EZH1: variants seen among roughly 807,000 people sequenced by gnomAD.
The protein encoded by EZH1 is histone-lysine N-methyltransferase EZH1.
A neutral mutation model predicts 100.5 loss-of-function variants in EZH1; 33 were observed. That is an observed-to-expected ratio of 0.33 (90% confidence interval 0.25 to 0.44). The LOEUF is 0.44. EZH1 is among the 20% of genes least tolerant of loss of function. EZH1 has a pLI of 1.00. For missense variants in EZH1, 475 were observed against 928.4 expected, an observed-to-expected ratio of 0.51 and a Z score of 6.35; for synonymous variants, 272 against 313.8, an observed-to-expected ratio of 0.87 and a Z score of 1.41.
chr17:42,739,298 C>G lies in EZH1; in HGVS notation c.-103+5713G>C, dbSNP rs904724601. Among the ~76,000 whole-genome samples, 9 of 152,330 alleles carry G rather than the reference C, an allele frequency of 5.9e-5. No individual in the cohort carries two copies. In the South Asian group the frequency reaches 1.4e-3, roughly 25 times the overall value. On this transcript the variant is annotated intron_variant, in intron 1 of 20. Transcript: ENST00000428826. ...CTCTAATTTATACCCTCCAACTTCTCTGAGGTATTTTCATCTGTCATTAGT... is the reference window on the plus strand; with the variant it reads ...CTCTAATTTATACCCTCCAACTTCTGTGAGGTATTTTCATCTGTCATTAGT...
chr17:42,703,624 C>A, intron 19 of EZH1, 116 bp downstream of exon 19: 1 of 736,800 alleles, frequency 1.4e-6, no homozygotes, highest in Non-Finnish European at 2.4e-6. Context: ...AGATATTAAT[C>A]ATGATTATCT....
At chr17:42,722,485 C>T (rs2053729609) in intron 6 of EZH1, among the ~76,000 whole-genome samples, 1 of 150,940 alleles carries the variant, frequency 6.6e-6, no homozygotes, top group South Asian at 2.1e-4. Context: ...ATTAGCTGGG[C>T]ATGGTGGCAG....
chr17:42,709,783 G>A (rs753883062), intron 13 of EZH1, 63 bp downstream of exon 13: 10 of 1,500,880 alleles, frequency 6.7e-6, no homozygotes, highest in East Asian at 2.3e-5. Flanking sequence ...AACTCCAAGG[G>A]GAGGTCAGAG....
At chr17:42,708,806 T>G (rs1597827058) in intron 14 of EZH1, 70 bp downstream of exon 14, 2 of 1,512,968 alleles carry the variant, frequency 1.3e-6, no homozygotes, top group East Asian at 4.5e-5. Flanking sequence ...CAGCTGGAGG[T>G]GGGGTAGGGT....
intron 17 of EZH1, 58 bp downstream of exon 17, chr17:42,705,030 C>CA: frequency 7.1e-7 from 1 of 1,402,722 alleles, no homozygotes; most frequent in Non-Finnish European, 1.0e-6. Flanking sequence ...CACAGAAAAT[C>CA]AGAGTTTCTC....
intron 6 of EZH1, among the ~76,000 whole-genome samples, chr17:42,722,322 A>G (rs2053724315): frequency 6.6e-6 from 1 of 151,302 alleles, no homozygotes; most frequent in Non-Finnish European, 1.5e-5. Flanking sequence ...GTCTCTAAAA[A>G]AAAAATAAAA....
intron 12 of EZH1, 129 bp from the exon 13 acceptor site, chr17:42,710,066 G>A (rs2053445764): frequency 2.8e-6 from 2 of 709,486 alleles, no homozygotes; most frequent in Non-Finnish European, 5.0e-6. Flanking sequence ...ATCAGTCAGG[G>A]AGAGACAGAG....
In EZH1 at chr17:42,738,862, C is replaced by T. The variant is rs372716626; in HGVS notation, c.-103+6149G>A. Among the ~76,000 whole-genome samples, 91 of 150,082 alleles carry T rather than the reference C, an allele frequency of 6.1e-4. 1 individual carries two copies. Among genetic ancestry groups the T allele is most frequent in the African/African-American group, 2.1e-3 (87 of 40,574 alleles). ...GCAATCTCCACCTCCTGGGTTCAAGCGATTCTCTTGCCTCCACCCCCCCTG... is the reference window on the plus strand; with the variant it reads ...GCAATCTCCACCTCCTGGGTTCAAGTGATTCTCTTGCCTCCACCCCCCCTG... On this transcript the variant is annotated intron_variant, in intron 1 of 20. Transcript: ENST00000428826.
rs1352666157 is a variant in EZH1, at chr17:42,728,470, G to A, written c.117+355C>T. Among the ~76,000 whole-genome samples, 4 of 149,820 alleles carry A rather than the reference G, an allele frequency of 2.7e-5. No individual in the cohort carries two copies. The South Asian group carries it at 6.4e-4, about 24-fold the overall frequency. On this transcript the variant is annotated intron_variant, in intron 3 of 20. Transcript: ENST00000428826. ...AAATTCCAACCCCTGGGCCAGGCGC[G>A]GTGGCTCACACCTGTAATCCCAGCA...
intron 4 of EZH1, among the ~76,000 whole-genome samples, chr17:42,726,183 CT>C (rs1374975364): frequency 2.9e-3 from 281 of 96,766 alleles, no homozygotes; most frequent in Middle Eastern, 7.8e-3. Flanking sequence ...CCAGCTTCTG[CT>C]TTTTTTTTTT....
chr17:42,729,002 C>G, intron 2 of EZH1, 50 bp from the exon 3 acceptor site: 2 of 1,442,394 alleles, frequency 1.4e-6, no homozygotes, highest in Non-Finnish European at 1.9e-6. Context: ...GGAAATAAAG[C>G]ATTCCTCAAA....
intron 2 of EZH1, among the ~76,000 whole-genome samples, 170 bp downstream of exon 2, chr17:42,730,658 G>A (rs1011532699): frequency 2.1e-4 from 32 of 150,910 alleles, no homozygotes; most frequent in African/African-American, 7.0e-4. Flanking sequence ...TACCACGCCC[G>A]GCTAATTTTT....
rs752607985 is a variant in EZH1, at chr17:42,745,035, G to C, written c.-127C>G. 32 of 1,270,952 alleles carry C rather than the reference G, an allele frequency of 2.5e-5. No homozygotes were observed. The African/African-American group carries it at 4.4e-4, about 17-fold the overall frequency. 78.7% of individuals were successfully genotyped at this position (1,270,952 alleles called of 1,614,324 possible). The stretch of plus-strand genomic sequence containing the variant: ...CCCTCCATCCCGAGCCGCGGGTCCC[G>C]CTGCTAGGACGCATGCGCGCCGCGG... On this transcript the variant is annotated 5_prime_UTR_variant, in exon 1 of 21. Transcript: ENST00000428826.
chr17:42,725,415 T>C (rs1302807642), intron 4 of EZH1, among the ~76,000 whole-genome samples: 1 of 151,790 alleles, frequency 6.6e-6, no homozygotes, highest in South Asian at 2.1e-4. Context: ...ATTACAGGCA[T>C]GTGCTACTAC....
intron 1 of EZH1, among the ~76,000 whole-genome samples, chr17:42,738,915 G>T (rs1447926883): frequency 6.6e-6 from 1 of 151,528 alleles, no homozygotes; most frequent in Non-Finnish European, 1.5e-5. Context: ...TCGCCACCAA[G>T]CCGGGTTAAT....
chr17:42,708,072 T>C lies in EZH1; in HGVS notation c.1546A>G (p.Thr516Ala). The part of the protein sequence containing the change: ...KIQLKKDNSS[T>A]QVYNYQPCDH... ...CAGGGTTGGTAGTTGTACACTTGTG[T>C]GGAAGAGTTATCTAGGAAAGAAAAC... Residue 516 changes from threonine to alanine, a missense_variant, in exon 15 of 21, where the codon ACA becomes GCA. Coordinates refer to ENST00000428826, the MANE Select transcript of EZH1 (RefSeq NM_001991.5). 1.2e-6 allele frequency: 2 copies of C among 1,606,256 alleles called. No individual in the cohort carries two copies. Among genetic ancestry groups the C allele is most frequent in the Non-Finnish European group, 1.7e-6 (2 of 1,176,766 alleles).
intron 5 of EZH1, among the ~76,000 whole-genome samples, 175 bp downstream of exon 5, chr17:42,724,130 T>C (rs1469648313): frequency 6.6e-6 from 1 of 152,184 alleles, no homozygotes; most frequent in Admixed American, 6.6e-5. Flanking sequence ...ATCTGACAAG[T>C]TAGAACAACT....
rs1345895429 is a variant in EZH1 at position 42,701,595 on chromosome 17, G to A, written c.*937C>T. On this transcript the variant is annotated 3_prime_UTR_variant, in exon 21 of 21. Coordinates refer to ENST00000428826, the MANE Select transcript of EZH1 (RefSeq NM_001991.5). ...AGCGATAAGCAACACTGGCCATTGG[G>A]CCTTGCCTCTATGGGGAATGGAAGG... 2.0e-5 allele frequency: 3 copies of A among 152,884 alleles called. No homozygotes were observed. The highest frequency in any genetic ancestry group is 4.4e-5 in the Non-Finnish European group (3 of 68,128). The allele number at this position is 152,884 out of a possible 1,614,324, so 9.5% of individuals were successfully genotyped here.
rs917276552 is a variant in EZH1, at chr17:42,706,060, C to G, written c.1786G>C (p.Asp596His). 8.1e-6 allele frequency: 13 copies of G among 1,613,954 alleles called. No individual in the cohort carries two copies. Among genetic ancestry groups the G allele is most frequent in the East Asian group, 2.2e-5 (1 of 44,890 alleles). The change falls in exon 16 of 21, where the codon GAC (aspartate) becomes CAC (histidine). Residue 596 changes from aspartate (D) to histidine (H), a missense_variant. Around this residue, in one of 8 missense-constraint regions of EZH1, gnomAD observed 23 missense variants for 31.9 expected, o/e 0.72. Transcript: ENST00000428826. This position sits in a 1 kb window ranked among gnomAD's most constrained non-coding sequence, Gnocchi z 4.4. ...CLTCGASEHW[D>H]CKVVSCKNCS... The stretch of plus-strand genomic sequence containing the variant: ...TTTTTACAGGAAACCACCTTGCAGT[C>G]CCAGTGCTCTGAGGCCCCACAGGTG...
Sources: allele counts gnomAD v4.1 joint callset (sites outside exome capture counted in the v4.1 genomes callset), GRCh38; gene constraint gnomAD v4.1.1; regional missense constraint gnomAD v4.1.1; non-coding constraint Gnocchi (gnomAD v3.1); transcripts MANE v1.5; gene names NCBI Gene and HGNC (gene_info 2026-07-23, HGNC 2026-07-21).